The following NTRK2 variants were observed in gnomAD, a reference collection of about 807,000 sequenced individuals.
NTRK2 encodes the protein BDNF/NT-3 growth factors receptor.
In NTRK2, 13 loss-of-function variants were observed where a neutral mutation model predicts 94.5. The ratio of observed to expected loss-of-function variants is 0.14; its 90% CI spans 0.09 to 0.22. NTRK2 has a LOEUF of 0.22. Ranked by LOEUF, NTRK2 falls within the 10% of genes least tolerant of loss-of-function variation. The probability of loss-of-function intolerance (pLI) is 1.00; values close to 1 mark genes in which losing one functional copy is unlikely to be tolerated. For missense variants in NTRK2, 639 were observed against 1,071.2 expected, an observed-to-expected ratio of 0.60 and a Z score of 5.63; for synonymous variants, 372 against 407.4, an observed-to-expected ratio of 0.91 and a Z score of 1.05.
intron 17 of NTRK2, among the ~76,000 whole-genome samples, chr9:84,975,068 C>T (rs552530759): frequency 1.4e-4 from 21 of 152,158 alleles, no homozygotes; most frequent in African/African-American, 3.1e-4. Context: ...CCTTGGAAGG[C>T]GGCACCCTCC....
rs546047508 is a variant in NTRK2, at chr9:85,021,860, CTTG to C, written c.*428_*430del. 411 of 284,644 alleles carry C rather than the reference CTTG, an allele frequency of 1.4e-3. No homozygotes were observed. The highest frequency in any genetic ancestry group is 8.3e-3 in the African/African-American group (386 of 46,568). 17.6% of individuals were successfully genotyped at this position (284,644 alleles called of 1,614,324 possible). A position where few individuals can be genotyped will look rare whatever the true frequency, so the allele number is the denominator to read the frequency against. ...GTTTGCCCACCACAACTAACAATGC[CTTG>C]TTGTATTCCTGCCTTTGATGTGGAT... On this transcript the variant is annotated 3_prime_UTR_variant, in exon 19 of 19. Transcript: ENST00000277120.
intron 17 of NTRK2, among the ~76,000 whole-genome samples, chr9:84,976,340 C>T (rs1455767935): frequency 6.6e-6 from 1 of 152,102 alleles, no homozygotes; most frequent in Non-Finnish European, 1.5e-5. Flanking sequence ...ACACAAAGTT[C>T]TATGGGATTA....
chr9:84,910,101 T>C (rs908719146), intron 14 of NTRK2, among the ~76,000 whole-genome samples: 3 of 152,222 alleles, frequency 2.0e-5, no homozygotes, highest in African/African-American at 7.2e-5. Context: ...CATATTTTAT[T>C]TAATTTTTAT....
At chr9:84,860,362 C>T (rs908330485) in intron 12 of NTRK2, among the ~76,000 whole-genome samples, 1 of 152,188 alleles carries the variant, frequency 6.6e-6, no homozygotes, top group Non-Finnish European at 1.5e-5. Context: ...CATGTGCCTA[C>T]TGGACCTTGT....
At chr9:84,686,977 T>C (rs1290382405) in intron 2 of NTRK2, among the ~76,000 whole-genome samples, 2 of 152,256 alleles carry the variant, frequency 1.3e-5, no homozygotes, top group East Asian at 3.8e-4. Context: ...GCTTATATAA[T>C]CAGTATATTC....
intron 2 of NTRK2, among the ~76,000 whole-genome samples, chr9:84,673,662 G>A (rs1316474699): frequency 6.6e-6 from 1 of 152,094 alleles, no homozygotes; most frequent in Non-Finnish European, 1.5e-5. Flanking sequence ...AAAAAAATGT[G>A]TAGATTAACC....
At chr9:84,781,146 C>T (rs1267267245) in intron 12 of NTRK2, among the ~76,000 whole-genome samples, 2 of 151,976 alleles carry the variant, frequency 1.3e-5, no homozygotes, top group African/African-American at 2.4e-5. Context: ...TTGTATGTTC[C>T]GGTGTCCAAA....
At chr9:85,001,288 C>T (rs1830313966) in intron 17 of NTRK2, among the ~76,000 whole-genome samples, 1 of 152,112 alleles carries the variant, frequency 6.6e-6, no homozygotes, top group African/African-American at 2.4e-5. Flanking sequence ...CATGGGTCAC[C>T]CTTGGGCAGC....
At chr9:84,787,406 A>G (rs978848647) in intron 12 of NTRK2, among the ~76,000 whole-genome samples, 1 of 152,072 alleles carries the variant, frequency 6.6e-6, no homozygotes, top group South Asian at 2.1e-4. Context: ...AACTCAGTAG[A>G]CTCTAGACCC....
intron 6 of NTRK2, among the ~76,000 whole-genome samples, chr9:84,712,294 C>T (rs1248598073): frequency 1.3e-5 from 2 of 152,180 alleles, no homozygotes; most frequent in East Asian, 1.9e-4. Context: ...CCCCGCCTTA[C>T]GTGTTATTGC....
chr9:84,833,105 T>C, intron 12 of NTRK2, among the ~76,000 whole-genome samples: 1 of 26,746 alleles, frequency 3.7e-5, no homozygotes, highest in East Asian at 8.3e-4. Context: ...GTGGTGGTGG[T>C]GGTGGTGGTG....
chr9:84,864,605 G>C (rs1263423867), intron 13 of NTRK2, among the ~76,000 whole-genome samples: 1 of 152,190 alleles, frequency 6.6e-6, no homozygotes, highest in Admixed American at 6.5e-5. Flanking sequence ...CCTTCAGGGA[G>C]CGCAGGCAGT....
chr9:84,867,798 T>G (rs1170544763), intron 14 of NTRK2, among the ~76,000 whole-genome samples: 1 of 152,192 alleles, frequency 6.6e-6, no homozygotes, highest in Non-Finnish European at 1.5e-5. Context: ...ATGAATGTAA[T>G]TTAAATTTAG....
intron 17 of NTRK2, among the ~76,000 whole-genome samples, chr9:85,001,935 A>G (rs1028177232): frequency 3.3e-5 from 5 of 152,214 alleles, no homozygotes; most frequent in African/African-American, 4.8e-5. Context: ...GTATCCTATT[A>G]TGGAGCATCA....
intron 14 of NTRK2, among the ~76,000 whole-genome samples, chr9:84,899,079 A>G (rs1361074134): frequency 6.6e-6 from 1 of 152,164 alleles, no homozygotes; most frequent in Non-Finnish European, 1.5e-5. Flanking sequence ...TCCTTGAGTG[A>G]TTTGAGCACT....
chr9:84,810,647 G>A (rs1434499549), intron 12 of NTRK2: 10 of 1,611,684 alleles, frequency 6.2e-6, no homozygotes, highest in African/African-American at 1.3e-5. Flanking sequence ...ATGTAAGCTG[G>A]ACTCCTGGGA....
chr9:85,021,492 G>A lies in NTRK2; in HGVS notation c.*55G>A, dbSNP rs1376116153. The A allele has an allele frequency of 6.3e-6, 10 of 1,579,170 alleles. No homozygotes were observed. The African/African-American group carries it at 9.4e-5, about 15-fold the overall frequency. ...ACGTACTCCTCAGACGGGCTGAGAG[G>A]ATGAACATCTTTTAACTGCCGCTGG... On this transcript the variant is annotated 3_prime_UTR_variant, in exon 19 of 19. Transcript: ENST00000277120.
At chr9:85,007,895 T>C (rs10125141) in intron 17 of NTRK2, among the ~76,000 whole-genome samples, 73,046 of 152,020 alleles carry the variant, frequency 0.48, 18,118 homozygotes, top group Middle Eastern at 0.58. Flanking sequence ...GGTAGCTAGA[T>C]GTTAAACATT....
chr9:84,813,220 G>A lies in NTRK2; in HGVS notation c.1397-47820G>A, dbSNP rs1024681132. On this transcript the variant is annotated intron_variant, in intron 12 of 18. Transcript: ENST00000277120. ...ATGAACAGAATGATCTGTGTGAGCC[G>A]ATGCCTGCCCTTCCAGAGGGGCCAC... The A allele has an allele frequency of 1.0e-5, 11 of 1,051,056 alleles. No homozygotes were observed. In the African/African-American group the frequency reaches 1.2e-4, roughly 11 times the overall value. 65.1% of individuals were successfully genotyped at this position (1,051,056 alleles called of 1,614,324 possible).
Sources: allele counts gnomAD v4.1 joint callset (sites outside exome capture counted in the v4.1 genomes callset), GRCh38; gene constraint gnomAD v4.1.1; transcripts MANE v1.5; gene names NCBI Gene and HGNC (gene_info 2026-07-23, HGNC 2026-07-21).